Variants in SMAD4 observed in about 807,000 individuals in gnomAD.
SMAD4 encodes the protein SMAD family member 4, also known as MAD homolog 4.
Under a neutral mutation model 63.2 loss-of-function variants are expected in SMAD4, and 7 were observed. That is an observed-to-expected ratio of 0.11 (90% CI 0.06 to 0.21). The LOEUF is 0.21. Ranked by LOEUF, SMAD4 falls within the 10% of genes least tolerant of loss-of-function variation. The pLI is 1.00. For synonymous variants in SMAD4, 215 were observed against 235.4 expected (o/e 0.91, Z 0.79); for missense variants, 312 against 693.8 (o/e 0.45, Z 6.18).
rs1910114327 is a variant in SMAD4 at position 51,065,185 on chromosome 18, T to G, written c.956-238T>G. 1.3e-5 allele frequency among the ~76,000 whole-genome samples: 2 copies of G among 148,564 alleles called. 1 individual carries two copies. The highest frequency in any genetic ancestry group is 4.2e-4 in the South Asian group (2 of 4,722). On this transcript the variant is annotated intron_variant, in intron 8 of 11. Transcript: ENST00000342988. Reference sequence around the variant, plus strand: ...TTGAGGATAAGTGGTAATTGGAAATTAAAAAAAAAAATTAGTGTTTTAAGA... The same window carrying G: ...TTGAGGATAAGTGGTAATTGGAAATGAAAAAAAAAAATTAGTGTTTTAAGA...
In SMAD4 at chr18:51,079,778, C is replaced by T. The variant is rs887767746; in HGVS notation, c.*1311C>T. On this transcript the variant is annotated 3_prime_UTR_variant, in exon 12 of 12. Coordinates refer to ENST00000342988, the MANE Select transcript of SMAD4 (RefSeq NM_005359.6). ...ATAAATAAAACTGAATCTCAACATA[C>T]AAAGTTGAATTCTAGGTTTGATTTT... The T allele has an allele frequency of 8.6e-6, 2 of 232,844 alleles. No individual in the cohort carries two copies. The highest frequency in any genetic ancestry group is 1.7e-5 in the Non-Finnish European group (2 of 117,680). 14.4% of individuals were successfully genotyped at this position (232,844 alleles called of 1,614,324 possible).
intron 10 of SMAD4, among the ~76,000 whole-genome samples, chr18:51,075,212 A>G (rs1196144997): frequency 1.3e-5 from 2 of 152,076 alleles, no homozygotes; most frequent in African/African-American, 2.4e-5. Flanking sequence ...TTATTTGGAG[A>G]GTGTATGTTA....
At chr18:51,057,348 C>T (rs1367019255) in intron 5 of SMAD4, among the ~76,000 whole-genome samples, 1 of 151,966 alleles carries the variant, frequency 6.6e-6, no homozygotes, top group Non-Finnish European at 1.5e-5. Flanking sequence ...AAATGTAGGA[C>T]AGTAAGCAAT....
chr18:51,047,355 G>A (rs948289616), intron 2 of SMAD4, 60 bp downstream of exon 2: 11 of 1,504,282 alleles, frequency 7.3e-6, no homozygotes, highest in African/African-American at 4.1e-5. Flanking sequence ...AACTTGCTAC[G>A]TTTCCTTTCA....
At chr18:51,049,497 A>G (rs2144408243) in intron 4 of SMAD4, 173 bp downstream of exon 4, 1 of 607,370 alleles carries the variant, frequency 1.6e-6, no homozygotes, top group African/African-American at 1.8e-5. Context: ...TGGATTTAAA[A>G]CTGGATTTAA....
Position 51,046,437 on chromosome 18 carries a change from GT to G in SMAD4, c.-127-468del, listed in dbSNP as rs35325456. On this transcript the variant is annotated intron_variant, in intron 1 of 11. Coordinates refer to ENST00000342988, the MANE Select transcript of SMAD4 (RefSeq NM_005359.6). Reference sequence around the variant, plus strand: ...TCCTTTTGTTCATTTCTAAATTGGGGTTTTTTTTTTTTTTTAATTGGTCTCT... The same window carrying G: ...TCCTTTTGTTCATTTCTAAATTGGGGTTTTTTTTTTTTTTAATTGGTCTCT... Among the ~76,000 whole-genome samples, 134 of 141,062 alleles carry G rather than the reference GT, an allele frequency of 9.5e-4. 1 individual carries two copies. Among genetic ancestry groups the G allele is most frequent in the South Asian group, 3.4e-3 (15 of 4,446 alleles). The allele number at this position is 141,062 out of a possible 152,430, so 92.5% of individuals were successfully genotyped here. A position where few individuals can be genotyped will look rare whatever the true frequency, so the allele number is the denominator to read the frequency against.
In SMAD4 at chr18:51,084,969, TA is replaced by T; in HGVS notation, c.*6508del. 4.7e-6 allele frequency: 1 copy of T among 213,138 alleles called. No homozygotes were observed. The highest frequency in any genetic ancestry group is 9.5e-6 in the Non-Finnish European group (1 of 105,478). The allele number at this position is 213,138 out of a possible 1,614,324, so 13.2% of individuals were successfully genotyped here. A position where few individuals can be genotyped will look rare whatever the true frequency, so the allele number is the denominator to read the frequency against. On this transcript the variant is annotated 3_prime_UTR_variant, in exon 12 of 12. Coordinates refer to ENST00000342988, the MANE Select transcript of SMAD4 (RefSeq NM_005359.6). ...CTTTTGCCTGGTTAAAGTCTGTGGCTAAAAAATAGTCGAACCTTTCTTGAGA... is the reference window on the plus strand; with the variant it reads ...CTTTTGCCTGGTTAAAGTCTGTGGCTAAAAATAGTCGAACCTTTCTTGAGA...
At chr18:51,053,625 A>T (rs940306927) in intron 4 of SMAD4, 13 of 152,188 alleles carry the variant, frequency 8.5e-5, no homozygotes, top group Admixed American at 3.3e-4. Context: ...TTGTACATAG[A>T]AACTTGCACA....
At chr18:51,059,842 G>C (rs758462032) in intron 7 of SMAD4, 24 bp from the exon 8 acceptor site, 1 of 1,596,928 alleles carries the variant, frequency 6.3e-7, no homozygotes, top group Non-Finnish European at 8.6e-7. Flanking sequence ...AATAAAAATG[G>C]AATTTTTGTT....
Position 51,079,897 on chromosome 18 carries a change from G to C in SMAD4, c.*1430G>C, listed in dbSNP as rs1910566912. 4.3e-6 allele frequency: 1 copy of C among 231,878 alleles called. No individual in the cohort carries two copies. The highest frequency in any genetic ancestry group is 6.1e-5 in the East Asian group (1 of 16,438). 14.4% of individuals were successfully genotyped at this position (231,878 alleles called of 1,614,324 possible). A position where few individuals can be genotyped will look rare whatever the true frequency, so the allele number is the denominator to read the frequency against. On this transcript the variant is annotated 3_prime_UTR_variant, in exon 12 of 12. Transcript: ENST00000342988. Reference sequence around the variant, plus strand: ...AGGCAACAGCCAGTTCTATTGGGCAGCTTTGTTTTTTTCCCTCACACTCTA... The same window carrying C: ...AGGCAACAGCCAGTTCTATTGGGCACCTTTGTTTTTTTCCCTCACACTCTA...
At chr18:51,076,891 G>A in intron 11 of SMAD4, 115 bp downstream of exon 11, 2 of 749,516 alleles carry the variant, frequency 2.7e-6, no homozygotes, top group Non-Finnish European at 4.2e-6. Context: ...TTTTTTACTG[G>A]GATGATGACA....
chr18:51,050,544 A>C (rs1909679338), intron 4 of SMAD4, among the ~76,000 whole-genome samples: 1 of 151,644 alleles, frequency 6.6e-6, no homozygotes, highest in Non-Finnish European at 1.5e-5. Context: ...CTGTAGTCCC[A>C]GCTACTTGGG....
chr18:51,049,798 T>G (rs1350527139), intron 4 of SMAD4, among the ~76,000 whole-genome samples: 1 of 152,186 alleles, frequency 6.6e-6, no homozygotes, highest in Non-Finnish European at 1.5e-5. Flanking sequence ...AAAATTGCAC[T>G]CTTTTGTATT....
chr18:51,063,777 T>TGTATCA lies in SMAD4; in HGVS notation c.956-1645_956-1640dup, dbSNP rs1910080708. 2.6e-5 allele frequency among the ~76,000 whole-genome samples: 4 copies of TGTATCA among 152,184 alleles called. No individual in the cohort carries two copies. In the South Asian group the frequency reaches 8.3e-4, roughly 32 times the overall value. On this transcript the variant is annotated intron_variant, in intron 8 of 11. Transcript: ENST00000342988. ...GAAGACACTCAGTGAAGACACTTAG[T>TGTATCA]GTATCACTGGTTTTTATGTTCTAAG...
chr18:51,042,494 T>C (rs992559018), intron 1 of SMAD4, among the ~76,000 whole-genome samples: 3 of 149,054 alleles, frequency 2.0e-5, no homozygotes, highest in Non-Finnish European at 4.5e-5. Context: ...ACCTCAGCCT[T>C]CTGAGTAGCT....
intron 4 of SMAD4, among the ~76,000 whole-genome samples, chr18:51,050,425 C>T (rs985480832): frequency 4.0e-5 from 6 of 151,114 alleles, no homozygotes; most frequent in Non-Finnish European, 7.4e-5. Context: ...TTTGGGAGGC[C>T]GAGGAGGGCG....
intron 1 of SMAD4, among the ~76,000 whole-genome samples, chr18:51,043,397 G>A (rs1366224182): frequency 3.3e-5 from 5 of 152,170 alleles, no homozygotes; most frequent in Non-Finnish European, 7.3e-5. Context: ...TTTTATAGAT[G>A]AGAGAATTGA....
rs201632233 is a variant in SMAD4 at position 51,073,388 on chromosome 18, T to TAC, written c.1309-3205_1309-3204dup. Among the ~76,000 whole-genome samples the TAC allele has an allele frequency of 1.6e-3, 100 of 64,132 alleles. 1 individual carries two copies. Among genetic ancestry groups the TAC allele is most frequent in the South Asian group, 3.5e-3 (6 of 1,706 alleles). 42.1% of individuals were successfully genotyped at this position (64,132 alleles called of 152,430 possible). A position where few individuals can be genotyped will look rare whatever the true frequency, so the allele number is the denominator to read the frequency against. ...ATATATATATATATATATATATATA[T>TAC]ACACACACACACACACACACACACA... is the stretch of plus-strand genomic sequence containing the variant. On this transcript the variant is annotated intron_variant, in intron 10 of 11. Coordinates refer to ENST00000342988, the MANE Select transcript of SMAD4 (RefSeq NM_005359.6).
Position 51,059,935 on chromosome 18 carries a change from T to C in SMAD4, c.955+19T>C, listed in dbSNP as rs372903861. ...CATCCTGGTAAGTGTATTTCAAAAT[T>C]GATTTCCTGTATTTAGATTGATTTA... On this transcript the variant is annotated intron_variant, in intron 8 of 11. Transcript: ENST00000342988. 4 of 1,587,496 alleles carry C rather than the reference T, an allele frequency of 2.5e-6. No homozygotes were observed. In the African/African-American group the frequency reaches 4.0e-5, roughly 16 times the overall value.
Sources: gnomAD v4.1 joint callset for allele counts (sites outside exome capture counted in the v4.1 genomes callset) on GRCh38, gnomAD v4.1.1 for gene constraint, MANE v1.5 for transcripts, NCBI Gene and HGNC (gene_info 2026-07-23, HGNC 2026-07-21) for gene names.